SGCG: variants seen among roughly 807,000 people sequenced by gnomAD.
SGCG encodes gamma-sarcoglycan.
SGCG carries 26 observed loss-of-function variants against 29.3 expected under a neutral mutation model. That is an observed-to-expected ratio of 0.89 (90% CI 0.65 to 1.23). The LOEUF is 1.23. Among genes scored for constraint, SGCG ranks in the 50% most tolerant of loss-of-function variants. The pLI, the probability that SGCG is intolerant of heterozygous loss-of-function variation, is 0.00. For missense variants in SGCG, 353 were observed against 356.0 expected, an observed-to-expected ratio of 0.99 and a Z score of 0.07; for synonymous variants, 145 against 129.7, an observed-to-expected ratio of 1.12 and a Z score of -0.80.
At chr13:23,262,570 A>G (rs1276428048) in intron 4 of SGCG, among the ~76,000 whole-genome samples, 1 of 152,070 alleles carries the variant, frequency 6.6e-6, no homozygotes, top group East Asian at 1.9e-4. Context: ...GGAGGACTTC[A>G]ATACTCCACT....
At chr13:23,206,398 A>G (rs1286609218) in intron 2 of SGCG, among the ~76,000 whole-genome samples, 1 of 152,198 alleles carries the variant, frequency 6.6e-6, no homozygotes, top group Non-Finnish European at 1.5e-5. Context: ...TACCTCATAT[A>G]AATGGAAGCA....
intron 6 of SGCG, among the ~76,000 whole-genome samples, chr13:23,298,391 A>G (rs1002221883): frequency 3.7e-4 from 57 of 152,234 alleles, no homozygotes; most frequent in Admixed American, 3.3e-3. Context: ...ATTATACTAC[A>G]TAGATATTCT....
At chr13:23,160,858 GTGGGGGCTCAGGGACAAGAGTA>G in the SGCG span, among the ~76,000 whole-genome samples, 3 of 152,184 alleles carry the variant, frequency 2.0e-5, no homozygotes, top group African/African-American at 7.2e-5. Context: ...CTGCCCCCTT[GTGGGGGCTCAGGGACAAGAGTA>G]AAATGTAATT....
chr13:23,206,371 A>T (rs1267628033), intron 2 of SGCG, among the ~76,000 whole-genome samples: 2 of 152,150 alleles, frequency 1.3e-5, no homozygotes, highest in African/African-American at 4.8e-5. Context: ...TTGTTCAATG[A>T]GTTTGCCTAC....
intron 4 of SGCG, among the ~76,000 whole-genome samples, chr13:23,252,882 G>T (rs1880030710): frequency 6.6e-6 from 1 of 152,114 alleles, no homozygotes; most frequent in Non-Finnish European, 1.5e-5. Flanking sequence ...AGAGCACATA[G>T]CTAGTTAGTA....
intron 2 of SGCG, among the ~76,000 whole-genome samples, chr13:23,215,638 A>G (rs1348722552): frequency 1.3e-5 from 2 of 152,166 alleles, no homozygotes; most frequent in African/African-American, 4.8e-5. Context: ...TTCTATTTTT[A>G]GTATAACATG....
the SGCG span, among the ~76,000 whole-genome samples, chr13:23,165,204 T>C: frequency 6.6e-6 from 1 of 152,238 alleles, no homozygotes; most frequent in Non-Finnish European, 1.5e-5. Context: ...TATTTTAATT[T>C]CATATTTGTA....
intron 1 of SGCG, among the ~76,000 whole-genome samples, chr13:23,193,535 T>C (rs1488126669): frequency 7.3e-6 from 1 of 136,820 alleles, no homozygotes; most frequent in Non-Finnish European, 1.6e-5. Flanking sequence ...GGCAGAGAGA[T>C]TGTGATGGCA....
intron 1 of SGCG, among the ~76,000 whole-genome samples, chr13:23,197,311 A>G (rs1877554027): frequency 6.6e-6 from 1 of 152,168 alleles, no homozygotes; most frequent in Non-Finnish European, 1.5e-5. Flanking sequence ...TTACCTTGTC[A>G]TTTGGAGGGA....
At chr13:23,214,720 C>T (rs1566002285) in intron 2 of SGCG, among the ~76,000 whole-genome samples, 1 of 152,152 alleles carries the variant, frequency 6.6e-6, no homozygotes, top group African/African-American at 2.4e-5. Context: ...CCACCTGCAT[C>T]TCCATCCCAT....
intron 4 of SGCG, among the ~76,000 whole-genome samples, chr13:23,276,427 T>TTTTC (rs1316242614): frequency 9.6e-6 from 1 of 103,940 alleles, no homozygotes; most frequent in African/African-American, 3.0e-5. Flanking sequence ...TCTTTTTTAG[T>TTTTC]TTTCTTTTTT....
chr13:23,277,666 A>T (rs1194982100), intron 4 of SGCG, among the ~76,000 whole-genome samples: 1 of 151,688 alleles, frequency 6.6e-6, no homozygotes, highest in South Asian at 2.1e-4. Context: ...CACAAAAAAA[A>T]TTATAACATA....
intron 6 of SGCG, among the ~76,000 whole-genome samples, chr13:23,319,095 C>A (rs547905714): frequency 5.9e-5 from 9 of 152,168 alleles, no homozygotes; most frequent in Non-Finnish European, 1.0e-4. Flanking sequence ...GTCAGGAGTT[C>A]GAGACCAGCC....
intron 6 of SGCG, among the ~76,000 whole-genome samples, chr13:23,296,545 C>G (rs1488982820): frequency 6.6e-6 from 1 of 152,124 alleles, no homozygotes; most frequent in Non-Finnish European, 1.5e-5. Flanking sequence ...CTTTTTATCT[C>G]GCAAAACTGA....
chr13:23,237,653 T>C (rs1879360706), intron 3 of SGCG, among the ~76,000 whole-genome samples: 1 of 152,170 alleles, frequency 6.6e-6, no homozygotes, highest in African/African-American at 2.4e-5. Context: ...ACAGAAGCCC[T>C]AAGCCACCAC....
At chr13:23,180,221 C>T (rs1876683704), upstream of SGCG, among the ~76,000 whole-genome samples, 1 of 152,090 alleles carries the variant, frequency 6.6e-6, no homozygotes. Flanking sequence ...TAAAATTATT[C>T]AGAAGTTCGA....
chr13:23,167,269 A>T, the SGCG span, among the ~76,000 whole-genome samples: 1 of 152,224 alleles, frequency 6.6e-6, no homozygotes. Flanking sequence ...CATTGTGTAC[A>T]TGTGCCACAT....
intron 1 of SGCG, among the ~76,000 whole-genome samples, chr13:23,202,176 G>A (rs866753241): frequency 2.6e-5 from 4 of 152,154 alleles, no homozygotes; most frequent in East Asian, 1.9e-4. Context: ...AGCGAAGTCC[G>A]GCTCATATAG....
At chr13:23,296,191 C>T (rs1220864677) in intron 6 of SGCG, among the ~76,000 whole-genome samples, 1 of 152,248 alleles carries the variant, frequency 6.6e-6, no homozygotes, top group East Asian at 1.9e-4. Flanking sequence ...CATCTCTACA[C>T]TATCTGCAAA....
Sources: gnomAD v4.1 joint callset for allele counts (sites outside exome capture counted in the v4.1 genomes callset) on GRCh38, gnomAD v4.1.1 for gene constraint, MANE v1.5 for transcripts, NCBI Gene and HGNC (gene_info 2026-07-23, HGNC 2026-07-21) for gene names.